MEMO1: variants seen among roughly 807,000 people sequenced by gnomAD.
The protein encoded by MEMO1 is protein MEMO1.
A neutral mutation model predicts 45.2 loss-of-function variants in MEMO1; 6 were observed. That is an observed-to-expected ratio of 0.13 (90% CI 0.07 to 0.26). The LOEUF is 0.26. Ranked by LOEUF, MEMO1 falls within the 10% of genes least tolerant of loss-of-function variation. MEMO1 has a pLI of 1.00. For synonymous variants in MEMO1, 78 were observed against 124.3 expected (o/e 0.63, Z 2.48); for missense variants, 184 against 370.5 (o/e 0.50, Z 4.13).
chr2:31,946,789 G>A (rs1402460842), intron 2 of MEMO1, among the ~76,000 whole-genome samples: 2 of 152,134 alleles, frequency 1.3e-5, no homozygotes, highest in African/African-American at 4.8e-5. Flanking sequence ...CTTGAGCCCG[G>A]GAGGCAGAGG....
At chr2:31,932,432 GTTTTTGTTGTTGTTTT>G (rs1219032567) in intron 3 of MEMO1, among the ~76,000 whole-genome samples, 1 of 150,876 alleles carries the variant, frequency 6.6e-6, no homozygotes, top group East Asian at 1.9e-4. Context: ...ATTGAGGTTG[GTTTTTGTTGTTGTTTT>G]TTTTTTTTGA....
intron 4 of MEMO1, among the ~76,000 whole-genome samples, chr2:31,924,655 A>G (rs1360984527): frequency 6.6e-6 from 1 of 152,218 alleles, no homozygotes; most frequent in Non-Finnish European, 1.5e-5. Context: ...AATGGAACAT[A>G]AGTAATTTTG....
At chr2:31,987,761 C>T (rs1464160290) in intron 2 of MEMO1, among the ~76,000 whole-genome samples, 1 of 152,060 alleles carries the variant, frequency 6.6e-6, no homozygotes, top group Non-Finnish European at 1.5e-5. Flanking sequence ...AGTTTTCTTC[C>T]TAAGGCCTCA....
chr2:31,932,090 A>G lies in MEMO1; in HGVS notation c.189T>C (p.Tyr63=). The change falls in exon 4 of 10, where the codon TAT becomes TAC. Residue 63 remains tyrosine, a synonymous_variant. Transcript: ENST00000404530. ...TYCGSCAAHA[Y]KQVDPSITRR... ...ACGTAATAGACGGATCCACTTGTTTATAAGCATGGGCAGCACAAGACCCAC... is the reference window on the plus strand; with the variant it reads ...ACGTAATAGACGGATCCACTTGTTTGTAAGCATGGGCAGCACAAGACCCAC... 1 of 1,613,724 alleles carries G rather than the reference A, an allele frequency of 6.2e-7. No individual in the cohort carries two copies. The highest frequency in any genetic ancestry group is 1.1e-5 in the South Asian group (1 of 91,040).
chr2:31,998,353 T>C (rs926670721), intron 2 of MEMO1, among the ~76,000 whole-genome samples: 1 of 152,042 alleles, frequency 6.6e-6, no homozygotes, highest in Admixed American at 6.6e-5. Context: ...CATCTCATTC[T>C]CCTCCTCATG....
chr2:32,009,192 A>G (rs1445037027), intron 2 of MEMO1, among the ~76,000 whole-genome samples: 1 of 152,240 alleles, frequency 6.6e-6, no homozygotes, highest in Non-Finnish European at 1.5e-5. Context: ...TGGAGACAGA[A>G]AACTCAACTC....
intron 9 of MEMO1, 113 bp from the exon 10 acceptor site, chr2:31,868,605 T>C: frequency 9.9e-7 from 1 of 1,006,794 alleles, no homozygotes; most frequent in Non-Finnish European, 1.3e-6. Flanking sequence ...TTATCTCTTT[T>C]GCTCTTTTGT....
intron 2 of MEMO1, among the ~76,000 whole-genome samples, chr2:31,967,377 G>C (rs1668759300): frequency 6.6e-6 from 1 of 152,188 alleles, no homozygotes; most frequent in Non-Finnish European, 1.5e-5. Context: ...GCCTGCCTCA[G>C]CCTCCCAAAG....
In MEMO1 at chr2:31,988,797, A is replaced by G. The variant is rs531785395; in HGVS notation, c.61+21390T>C. ...TGGGTAGAAAGATGGCTGTCTCAAG[A>G]AAAAGCATCTTATGAGAGTTGCAAG... is the stretch of plus-strand genomic sequence containing the variant. On this transcript the variant is annotated intron_variant, in intron 2 of 9. Coordinates refer to ENST00000404530, the MANE Select transcript of MEMO1 (RefSeq NM_001301833.4). Among the ~76,000 whole-genome samples the G allele has an allele frequency of 1.1e-3, 162 of 152,326 alleles. 1 individual carries two copies. The highest frequency in any genetic ancestry group is 3.8e-3 in the African/African-American group (160 of 41,568).
intron 2 of MEMO1, among the ~76,000 whole-genome samples, chr2:31,998,625 C>T (rs899541994): frequency 1.3e-5 from 2 of 151,970 alleles, no homozygotes; most frequent in African/African-American, 4.8e-5. Flanking sequence ...ATAGAGAAAC[C>T]CCATCTCTAC....
intron 2 of MEMO1, among the ~76,000 whole-genome samples, chr2:31,993,906 C>T (rs545584440): frequency 6.9e-6 from 1 of 145,754 alleles, no homozygotes; most frequent in Non-Finnish European, 1.5e-5. Context: ...ATAAGTAATG[C>T]TGTTGCTGTC....
chr2:31,874,632 G>T (rs939424075), intron 8 of MEMO1, among the ~76,000 whole-genome samples: 1 of 151,874 alleles, frequency 6.6e-6, no homozygotes, highest in Non-Finnish European at 1.5e-5. Context: ...TTGAACAGAT[G>T]TAATCTAAAA....
intron 2 of MEMO1, among the ~76,000 whole-genome samples, chr2:31,997,882 C>A (rs1318578364): frequency 1.3e-5 from 2 of 152,188 alleles, no homozygotes; most frequent in Non-Finnish European, 2.9e-5. Flanking sequence ...ACTGGGCAAC[C>A]AGTAGGAAGC....
At chr2:31,969,549 C>A (rs950387985) in intron 2 of MEMO1, among the ~76,000 whole-genome samples, 1 of 148,686 alleles carries the variant, frequency 6.7e-6, no homozygotes, top group African/African-American at 2.5e-5. Context: ...TTATATTTAT[C>A]TATACTTTCT....
intron 2 of MEMO1, among the ~76,000 whole-genome samples, chr2:31,968,806 A>G (rs1668933845): frequency 6.6e-6 from 1 of 152,134 alleles, no homozygotes; most frequent in Non-Finnish European, 1.5e-5. Context: ...GACATCACAG[A>G]ATTTTAGATA....
chr2:32,009,652 C>A (rs998180987), intron 2 of MEMO1, among the ~76,000 whole-genome samples: 1 of 152,074 alleles, frequency 6.6e-6, no homozygotes, highest in African/African-American at 2.4e-5. Flanking sequence ...AGAACTCCCT[C>A]TGGGCGAGGG....
rs397800267 is a variant in MEMO1 at position 31,993,949 on chromosome 2, CTTTTTTTTTTTTTTT to C, written c.61+16223_61+16237del. Among the ~76,000 whole-genome samples the C allele has an allele frequency of 6.8e-5, 5 of 73,556 alleles. 1 individual carries two copies. Among genetic ancestry groups the C allele is most frequent in the African/African-American group, 9.8e-5 (2 of 20,482 alleles). 48.3% of individuals were successfully genotyped at this position (73,556 alleles called of 152,430 possible). On this transcript the variant is annotated intron_variant, in intron 2 of 9. Transcript: ENST00000404530. ...AATACAGAAATATCATCAATACTTT[CTTTTTTTTTTTTTTT>C]TTTTTTTTTTTTTTGAGACAGAGTC...
intron 2 of MEMO1, among the ~76,000 whole-genome samples, chr2:31,991,380 T>C (rs908205827): frequency 6.6e-6 from 1 of 152,134 alleles, no homozygotes; most frequent in South Asian, 2.1e-4. Context: ...GAGACCAGCA[T>C]GACCAACACG....
intron 2 of MEMO1, among the ~76,000 whole-genome samples, chr2:32,001,612 C>T (rs754799619): frequency 6.6e-6 from 1 of 152,140 alleles, no homozygotes; most frequent in South Asian, 2.1e-4. Context: ...CTTAGCTCTG[C>T]AGTTTACCAG....
Sources: allele counts gnomAD v4.1 joint callset (sites outside exome capture counted in the v4.1 genomes callset), GRCh38; gene constraint gnomAD v4.1.1; transcripts MANE v1.5; gene names NCBI Gene and HGNC (gene_info 2026-07-23, HGNC 2026-07-21).